Variants in TOPAZ1 observed in about 807,000 individuals in gnomAD.
The protein encoded by TOPAZ1 is protein TOPAZ1.
A neutral mutation model predicts 172.2 loss-of-function variants in TOPAZ1; 66 were observed. The ratio of observed to expected loss-of-function variants is 0.38; its 90% CI spans 0.31 to 0.47. TOPAZ1 has a LOEUF of 0.47. Among genes scored for constraint, TOPAZ1 ranks in the 20% least tolerant of loss-of-function variants. The pLI, the probability that TOPAZ1 is intolerant of heterozygous loss-of-function variation, is 0.99. For missense variants in TOPAZ1, 1,822 were observed against 1,972.4 expected (o/e 0.92, Z 1.44); for synonymous variants, 681 against 683.9 (o/e 1.00, Z 0.07).
At position 44,281,945 on chromosome 3, in the gene TOPAZ1, T is replaced by C. The variant is rs980215346; in HGVS notation, c.3373-23T>C. On this transcript the variant is annotated intron_variant, in intron 8 of 19. Transcript: ENST00000309765. ...ACAGAATATTTAAAAAAGGTAGTTT[T>C]ACATTTTTCGTGACTTTTGCAGGTT... is the stretch of plus-strand genomic sequence containing the variant. 7.4e-6 allele frequency: 11 copies of C among 1,477,524 alleles called. No homozygotes were observed. The Middle Eastern group carries it at 1.0e-3, about 139-fold the overall frequency. 91.5% of individuals were successfully genotyped at this position (1,477,524 alleles called of 1,614,324 possible). A position where few individuals can be genotyped will look rare whatever the true frequency, so the allele number is the denominator to read the frequency against.
intron 16 of TOPAZ1, among the ~76,000 whole-genome samples, chr3:44,313,573 C>T (rs916445126): frequency 1.3e-5 from 2 of 149,272 alleles, no homozygotes; most frequent in East Asian, 2.0e-4. Context: ...GCCAAGATCA[C>T]GCCACTGCAC....
At chr3:44,280,595 G>A (rs1039340587) in intron 8 of TOPAZ1, among the ~76,000 whole-genome samples, 6 of 152,094 alleles carry the variant, frequency 3.9e-5, no homozygotes, top group African/African-American at 1.2e-4. Context: ...CAATCCACCC[G>A]CCTTGGTGGG....
chr3:44,273,689 T>C (rs1699922242), intron 8 of TOPAZ1, among the ~76,000 whole-genome samples: 2 of 152,046 alleles, frequency 1.3e-5, no homozygotes, highest in African/African-American at 4.8e-5. Flanking sequence ...CACAATAATA[T>C]GTGGCAAGAA....
At position 44,270,821 on chromosome 3, in the gene TOPAZ1, T is replaced by C. The variant is rs375436541; in HGVS notation, c.3372+11T>C. On this transcript the variant is annotated intron_variant, in intron 8 of 19. Coordinates refer to ENST00000309765, the MANE Select transcript of TOPAZ1 (RefSeq NM_001145030.2). ...CAAGGGGATGAAAAGGTAAAACATA[T>C]AAAGTCTTTAAAGTAGAGATTGTTT... The C allele has an allele frequency of 3.3e-6, 5 of 1,528,884 alleles. No individual in the cohort carries two copies. Among genetic ancestry groups the C allele is most frequent in the African/African-American group, 1.4e-5 (1 of 71,732 alleles). The allele number at this position is 1,528,884 out of a possible 1,614,324, so 94.7% of individuals were successfully genotyped here.
At chr3:44,261,974 A>C (rs1381331006) in intron 4 of TOPAZ1, among the ~76,000 whole-genome samples, 1 of 152,186 alleles carries the variant, frequency 6.6e-6, no homozygotes, top group Non-Finnish European at 1.5e-5. Context: ...TGACTGAAAA[A>C]TCATGATTTC....
intron 16 of TOPAZ1, 46 bp from the exon 17 acceptor site, chr3:44,320,981 G>A (rs1700500866): frequency 7.9e-7 from 1 of 1,272,740 alleles, no homozygotes; most frequent in African/African-American, 1.5e-5. Context: ...ACTGTTAAGT[G>A]TCATTTTCAT....
At chr3:44,261,403 T>C (rs1699774298) in intron 4 of TOPAZ1, among the ~76,000 whole-genome samples, 1 of 152,204 alleles carries the variant, frequency 6.6e-6, no homozygotes, top group South Asian at 2.1e-4. Flanking sequence ...GCACCATTTA[T>C]TGAATAGAGG....
chr3:44,305,563 T>A (rs1700327400), intron 14 of TOPAZ1, among the ~76,000 whole-genome samples: 1 of 152,068 alleles, frequency 6.6e-6, no homozygotes, highest in Admixed American at 6.6e-5. Context: ...AGACACAGAA[T>A]CTTGCTTCAT....
downstream of TOPAZ1, chr3:44,332,223 C>T: frequency 2.0e-6 from 1 of 501,628 alleles, no homozygotes. Flanking sequence ...TACTTTTTGA[C>T]TTTAAAAGAA....
rs1290645982 is a variant in TOPAZ1, at chr3:44,276,641, TTTTTTTTTTTTTC to T, written c.3373-5326_3373-5314del. Among the ~76,000 whole-genome samples, 809 of 129,418 alleles carry T rather than the reference TTTTTTTTTTTTTC, an allele frequency of 6.3e-3. 9 individuals carry two copies. The highest frequency in any genetic ancestry group is 0.021 in the African/African-American group (759 of 35,598). 84.9% of individuals were successfully genotyped at this position (129,418 alleles called of 152,430 possible). A position where few individuals can be genotyped will look rare whatever the true frequency, so the allele number is the denominator to read the frequency against. ...GCTTTGTTCTTTTTTTTTTTTTTTT[TTTTTTTTTTTTTC>T]CAGAATTGCTTGGCCTATTCTGGCT... On this transcript the variant is annotated intron_variant, in intron 8 of 19. Coordinates refer to ENST00000309765, the MANE Select transcript of TOPAZ1 (RefSeq NM_001145030.2).
chr3:44,242,827 C>T (rs778012246), intron 1 of TOPAZ1, 26 bp from the exon 2 acceptor site: 5 of 1,443,076 alleles, frequency 3.5e-6, no homozygotes, highest in Non-Finnish European at 4.6e-6. Flanking sequence ...AAAATCTTTT[C>T]TGATATATTT....
At chr3:44,264,202 G>A (rs1204321173) in intron 5 of TOPAZ1, among the ~76,000 whole-genome samples, 1 of 152,172 alleles carries the variant, frequency 6.6e-6, no homozygotes, top group African/African-American at 2.4e-5. Flanking sequence ...CTTAAGAAGT[G>A]CTGGTTTTCT....
In TOPAZ1 at chr3:44,243,085, T is replaced by C. The variant is rs1314059159; in HGVS notation, c.579T>C (p.Asn193=). 4 of 1,548,186 alleles carry C rather than the reference T, an allele frequency of 2.6e-6. No homozygotes were observed. In the South Asian group the frequency reaches 3.6e-5, roughly 14 times the overall value. ...LKITENEATQ[N]IKVEFQDELY... is the part of the protein sequence containing the mutation. Reference sequence around the variant, plus strand: ...TAACCGAAAATGAGGCTACACAAAATATTAAGGTTGAATTCCAAGATGAAC... The same window carrying C: ...TAACCGAAAATGAGGCTACACAAAACATTAAGGTTGAATTCCAAGATGAAC... The change falls in exon 2 of 20, where the codon AAT becomes AAC. Residue 193 remains asparagine (N), a synonymous_variant. Coordinates refer to ENST00000309765, the MANE Select transcript of TOPAZ1 (RefSeq NM_001145030.2).
At chr3:44,281,271 A>G (rs1700020682) in intron 8 of TOPAZ1, among the ~76,000 whole-genome samples, 1 of 152,200 alleles carries the variant, frequency 6.6e-6, no homozygotes, top group East Asian at 1.9e-4. Context: ...TCACCATGCC[A>G]TCACTTCTCC....
intron 5 of TOPAZ1, among the ~76,000 whole-genome samples, chr3:44,266,383 A>G (rs1394660470): frequency 1.3e-5 from 2 of 152,152 alleles, no homozygotes; most frequent in East Asian, 1.9e-4. Flanking sequence ...TTGGTTAACT[A>G]TTTGGTACAA....
At chr3:44,263,395 T>G (rs534089537) in intron 5 of TOPAZ1, among the ~76,000 whole-genome samples, 4 of 152,338 alleles carry the variant, frequency 2.6e-5, no homozygotes, top group Admixed American at 2.0e-4. Context: ...CAGTTGACAT[T>G]GATCGGTTAA....
Position 44,270,166 on chromosome 3 carries a change from C to T in TOPAZ1, c.3247-519C>T, listed in dbSNP as rs149274162. Among the ~76,000 whole-genome samples the T allele has an allele frequency of 2.1e-3, 313 of 152,260 alleles. 1 individual carries two copies. Among genetic ancestry groups the T allele is most frequent in the African/African-American group, 6.4e-3 (265 of 41,548 alleles). On this transcript the variant is annotated intron_variant, in intron 7 of 19. Coordinates refer to ENST00000309765, the MANE Select transcript of TOPAZ1 (RefSeq NM_001145030.2). ...TTGTTGTAAAAAGCTTTAACTCTGT[C>T]ATTTGCCTTGTTCTATTAATCAGAA...
At chr3:44,262,918 C>T (rs544276098) in intron 5 of TOPAZ1, among the ~76,000 whole-genome samples, 6 of 152,166 alleles carry the variant, frequency 3.9e-5, no homozygotes, top group Non-Finnish European at 7.3e-5. Context: ...CTGATCCATC[C>T]TCCACCACCC....
intron 16 of TOPAZ1, among the ~76,000 whole-genome samples, chr3:44,311,898 G>A (rs1700401130): frequency 1.3e-5 from 2 of 152,106 alleles, no homozygotes; most frequent in South Asian, 2.1e-4. Flanking sequence ...TGCTTTTTGT[G>A]AGGGTATAGA....
Sources: allele counts gnomAD v4.1 joint callset (sites outside exome capture counted in the v4.1 genomes callset), GRCh38; gene constraint gnomAD v4.1.1; transcripts MANE v1.5; gene names NCBI Gene and HGNC (gene_info 2026-07-23, HGNC 2026-07-21).